Variants in FOLH1 observed in about 807,000 individuals in gnomAD.
FOLH1 encodes folate hydrolase 1, also known as glutamate carboxypeptidase 2.
FOLH1 carries 54 observed loss-of-function variants against 93.9 expected under a neutral mutation model. The observed-to-expected ratio is 0.57, with a 90% CI of 0.46 to 0.72. The LOEUF is 0.72. Ranked by LOEUF, FOLH1 falls within the 30% of genes least tolerant of loss-of-function variation. FOLH1 has a pLI of 0.00. For missense variants in FOLH1, 571 were observed against 892.5 expected, an observed-to-expected ratio of 0.64 and a Z score of 4.59; for synonymous variants, 249 against 303.6, an observed-to-expected ratio of 0.82 and a Z score of 1.87.
rs1181586702 is a variant in FOLH1 at position 49,145,645 on chromosome 11, G to T, written c.*1111C>A. Among the ~76,000 whole-genome samples the T allele has an allele frequency of 6.6e-6, 1 of 152,160 alleles. No individual in the cohort carries two copies. The highest frequency in any genetic ancestry group is 1.5e-5 in the Non-Finnish European group (1 of 68,016). On this transcript the variant is annotated 3_prime_UTR_variant, in exon 19 of 19. Coordinates refer to ENST00000256999, the MANE Select transcript of FOLH1 (RefSeq NM_004476.3). ...TTAACTTTGAGCGAGGCCACAATGT[G>T]AGGGGACTCTTCATTGGCTGCTCCA... is the stretch of plus-strand genomic sequence containing the variant.
chr11:49,153,554 G>A (rs528756939), intron 17 of FOLH1, among the ~76,000 whole-genome samples: 8 of 152,044 alleles, frequency 5.3e-5, no homozygotes, highest in South Asian at 2.1e-4. Flanking sequence ...ATTTCTGAGC[G>A]GCACAATTGC....
chr11:49,205,299 T>C (rs1244331593), intron 2 of FOLH1, among the ~76,000 whole-genome samples: 2 of 152,210 alleles, frequency 1.3e-5, no homozygotes, highest in Non-Finnish European at 2.9e-5. Context: ...TTTTGGTTGC[T>C]TTTTAAATTT....
chr11:49,153,837 A>G lies in FOLH1; in HGVS notation c.1970+9T>C. 6.3e-7 allele frequency: 1 copy of G among 1,590,070 alleles called. No individual in the cohort carries two copies. Among genetic ancestry groups the G allele is most frequent in the Admixed American group, 1.7e-5 (1 of 57,340 alleles). ...CATACACACATATGCACATATATGT[A>G]GAACATACTTGCTTTTGTCAAAGTC... On this transcript the variant is annotated intron_variant, in intron 17 of 18. Transcript: ENST00000256999.
chr11:49,182,053 G>A (rs1323343041), intron 7 of FOLH1, among the ~76,000 whole-genome samples: 1 of 152,096 alleles, frequency 6.6e-6, no homozygotes, highest in Non-Finnish European at 1.5e-5. Context: ...TGGTGGCTGG[G>A]CGCAGTGCCT....
At chr11:49,157,647 C>G (rs1041038864) in intron 14 of FOLH1, among the ~76,000 whole-genome samples, 1 of 151,744 alleles carries the variant, frequency 6.6e-6, no homozygotes, top group Admixed American at 6.6e-5. Flanking sequence ...TAAAAAAATC[C>G]AAAGTCCAAA....
intron 7 of FOLH1, 136 bp from the exon 8 acceptor site, chr11:49,176,093 C>T (rs1859995652): frequency 2.5e-6 from 2 of 795,084 alleles, no homozygotes; most frequent in Admixed American, 2.8e-5. Context: ...TATAATACGT[C>T]ATTTAAACCT....
intron 1 of FOLH1, 155 bp from the exon 2 acceptor site, chr11:49,206,327 C>T (rs1177683331): frequency 8.8e-7 from 1 of 1,135,862 alleles, no homozygotes; most frequent in Admixed American, 2.0e-5. Flanking sequence ...CTCTTGCCTA[C>T]TTTCACTGAA....
intron 12 of FOLH1, among the ~76,000 whole-genome samples, chr11:49,168,619 C>T (rs900476725): frequency 7.9e-5 from 12 of 152,038 alleles, no homozygotes; most frequent in African/African-American, 2.7e-4. Context: ...ATACTGAGTG[C>T]GCCACCACGC....
intron 7 of FOLH1, among the ~76,000 whole-genome samples, chr11:49,182,799 A>G (rs1050420179): frequency 2.0e-4 from 31 of 152,188 alleles, no homozygotes; most frequent in African/African-American, 7.2e-4. Flanking sequence ...ACAGGCCTGC[A>G]GTAGTATCCT....
intron 8 of FOLH1, among the ~76,000 whole-genome samples, chr11:49,175,282 G>A (rs1313673448): frequency 6.6e-6 from 1 of 152,100 alleles, no homozygotes; most frequent in Non-Finnish European, 1.5e-5. Flanking sequence ...TTTCAAGAGA[G>A]TTAAATGGGC....
chr11:49,173,319 G>A lies in FOLH1; in HGVS notation c.1225+38C>T, dbSNP rs373486504. On this transcript the variant is annotated intron_variant, in intron 10 of 18. Transcript: ENST00000256999. ...TTACAGAAGACTAAACTGAGACTCA[G>A]ATAGGCTGTTTTTTTTCTTGCTGTT... 38 of 1,591,504 alleles carry A rather than the reference G, an allele frequency of 2.4e-5. No homozygotes were observed. In the African/African-American group the frequency reaches 4.4e-4, roughly 19 times the overall value.
At chr11:49,167,892 G>A (rs1408898714) in intron 12 of FOLH1, among the ~76,000 whole-genome samples, 3 of 138,718 alleles carry the variant, frequency 2.2e-5, no homozygotes, top group Admixed American at 1.5e-4. Context: ...AACAGAAAAA[G>A]AACAGAAACA....
At chr11:49,194,619 C>T (rs1354851732) in intron 3 of FOLH1, among the ~76,000 whole-genome samples, 1 of 151,200 alleles carries the variant, frequency 6.6e-6, no homozygotes, top group Non-Finnish European at 1.5e-5. Flanking sequence ...GTAAAAGTGA[C>T]CTAAATATTG....
In FOLH1 at chr11:49,146,231, A is replaced by G. The variant is rs1030244438; in HGVS notation, c.*525T>C. The stretch of plus-strand genomic sequence containing the variant: ...TATATTTTATACTATAGCCTTTTAT[A>G]TAAATAAAAAATAATTATTTCTTAT... On this transcript the variant is annotated 3_prime_UTR_variant, in exon 19 of 19. Transcript: ENST00000256999. Among the ~76,000 whole-genome samples the G allele has an allele frequency of 6.6e-6, 1 of 152,206 alleles. No individual in the cohort carries two copies. The highest frequency in any genetic ancestry group is 2.4e-5 in the African/African-American group (1 of 41,464).
At chr11:49,147,006 G>C (rs1434989101) in intron 18 of FOLH1, 61 bp from the exon 19 acceptor site, 14 of 1,547,396 alleles carry the variant, frequency 9.0e-6, no homozygotes, top group Admixed American at 1.9e-5. Context: ...AGAAACACAA[G>C]AGCACTCTGC....
intron 13 of FOLH1, among the ~76,000 whole-genome samples, chr11:49,163,408 A>C (rs1472277170): frequency 1.3e-5 from 2 of 152,102 alleles, no homozygotes; most frequent in South Asian, 2.1e-4. Context: ...TTCCACCCCC[A>C]GTCATCTTGG....
intron 1 of FOLH1, among the ~76,000 whole-genome samples, chr11:49,206,566 C>T (rs574419612): frequency 6.8e-4 from 103 of 152,208 alleles, no homozygotes; most frequent in African/African-American, 2.4e-3. Flanking sequence ...TCTTCCTCTG[C>T]TGACTCAAAT....
chr11:49,154,543 T>G (rs758389228), intron 15 of FOLH1, 51 bp from the exon 16 acceptor site: 1 of 1,561,286 alleles, frequency 6.4e-7, no homozygotes, highest in East Asian at 2.3e-5. Flanking sequence ...TTACAAAAAA[T>G]GATTAGCACC....
chr11:49,164,692 T>C lies in FOLH1; in HGVS notation c.1440+13A>G, dbSNP rs531405172. The C allele has an allele frequency of 6.4e-6, 10 of 1,561,586 alleles. No individual in the cohort carries two copies. In the East Asian group the frequency reaches 2.0e-4, roughly 32 times the overall value. On this transcript the variant is annotated intron_variant, in intron 13 of 18. Transcript: ENST00000256999. The stretch of plus-strand genomic sequence containing the variant: ...AGAATTTGGGTTTTCTTAAATTATA[T>C]GTAATTATATACCTCTTTTGTTAGG...
Sources: gnomAD v4.1 joint callset for allele counts (sites outside exome capture counted in the v4.1 genomes callset) on GRCh38, gnomAD v4.1.1 for gene constraint, MANE v1.5 for transcripts, NCBI Gene and HGNC (gene_info 2026-07-23, HGNC 2026-07-21) for gene names.